The following AAMDC variants were observed in gnomAD, a reference collection of about 807,000 sequenced individuals.
The protein encoded by AAMDC is adipogenesis associated Mth938 domain containing, also known as mth938 domain-containing protein.
AAMDC carries 16 observed loss-of-function variants against 15.5 expected under a neutral mutation model. That is an observed-to-expected ratio of 1.03 (90% CI 0.70 to 1.57). AAMDC has a LOEUF of 1.57. Ranked by LOEUF, AAMDC falls within the 40% of genes most tolerant of loss-of-function variation. AAMDC has a pLI of 0.00. For synonymous variants in AAMDC, 51 were observed against 51.6 expected, an observed-to-expected ratio of 0.99 and a Z score of 0.05; for missense variants, 141 against 144.9, an observed-to-expected ratio of 0.97 and a Z score of 0.14.
intron 1 of AAMDC, among the ~76,000 whole-genome samples, chr11:77,824,071 C>A (rs1949063043): frequency 6.6e-6 from 1 of 152,084 alleles, no homozygotes; most frequent in Non-Finnish European, 1.5e-5. Context: ...TTATATCCAC[C>A]CAAAGATAAG....
chr11:77,824,807 TA>T (rs1375773112), intron 1 of AAMDC, among the ~76,000 whole-genome samples: 4 of 152,230 alleles, frequency 2.6e-5, no homozygotes, highest in Non-Finnish European at 4.4e-5. Context: ...TTGAACTCTA[TA>T]AACACTGCAT....
intron 1 of AAMDC, among the ~76,000 whole-genome samples, chr11:77,840,483 C>T (rs989040623): frequency 2.6e-5 from 4 of 152,066 alleles, no homozygotes; most frequent in East Asian, 1.9e-4. Context: ...GAGCCAAGAT[C>T]GCACCACTGC....
At chr11:77,855,177 T>A (rs1450085813) in intron 2 of AAMDC, among the ~76,000 whole-genome samples, 2 of 152,220 alleles carry the variant, frequency 1.3e-5, no homozygotes, top group African/African-American at 4.8e-5. Context: ...CCTCCAGGCC[T>A]GTGATGGGAG....
downstream of AAMDC, chr11:77,876,839 A>T (rs958367534): frequency 1.7e-6 from 1 of 601,620 alleles, no homozygotes; most frequent in Non-Finnish European, 3.0e-6. Context: ...GATTTTTATA[A>T]AAGGGGTACT....
chr11:77,838,543 T>C (rs1949790787), intron 1 of AAMDC, among the ~76,000 whole-genome samples: 1 of 152,092 alleles, frequency 6.6e-6, no homozygotes, highest in Non-Finnish European at 1.5e-5. Context: ...AGCCACTTTT[T>C]TGAAACAAGT....
downstream of AAMDC, among the ~76,000 whole-genome samples, chr11:77,902,633 G>T (rs1183833640): frequency 6.6e-6 from 1 of 152,140 alleles, no homozygotes; most frequent in Non-Finnish European, 1.5e-5. Context: ...TATTATGAGG[G>T]TTAATTAAGC....
intron 1 of AAMDC, among the ~76,000 whole-genome samples, chr11:77,827,013 G>A (rs1159452613): frequency 6.6e-6 from 1 of 152,100 alleles, no homozygotes; most frequent in African/African-American, 2.4e-5. Context: ...GCTGAGGCAG[G>A]AGAATCACTT....
intron 1 of AAMDC, among the ~76,000 whole-genome samples, chr11:77,837,591 A>G (rs1590933526): frequency 1.3e-5 from 2 of 150,982 alleles, no homozygotes; most frequent in Admixed American, 1.3e-4. Flanking sequence ...GTGCATCACT[A>G]CGCCCGGCTA....
intron 1 of AAMDC, among the ~76,000 whole-genome samples, chr11:77,827,342 G>A (rs1949226362): frequency 6.6e-6 from 1 of 152,094 alleles, no homozygotes; most frequent in African/African-American, 2.4e-5. Context: ...ATATCACAAG[G>A]AAAGCCCAAT....
At chr11:77,858,565 C>A (rs1252280719) in intron 2 of AAMDC, among the ~76,000 whole-genome samples, 3 of 152,068 alleles carry the variant, frequency 2.0e-5, no homozygotes, top group Non-Finnish European at 4.4e-5. Flanking sequence ...TGGTCACCTT[C>A]CCAGCTAGCC....
intron 2 of AAMDC, among the ~76,000 whole-genome samples, chr11:77,854,474 A>T (rs1291068436): frequency 6.6e-6 from 1 of 152,244 alleles, no homozygotes; most frequent in Non-Finnish European, 1.5e-5. Flanking sequence ...GTGAGAAATT[A>T]TCCAAAACAA....
chr11:77,860,912 A>ACTGT (rs1950849092), intron 2 of AAMDC, among the ~76,000 whole-genome samples: 1 of 152,102 alleles, frequency 6.6e-6, no homozygotes, highest in Non-Finnish European at 1.5e-5. Context: ...ACTAACGTTC[A>ACTGT]CTGTCTGTTG....
At chr11:77,884,080 T>A in intron 5 of AAMDC, 1 of 918,866 alleles carries the variant, frequency 1.1e-6, no homozygotes, top group Non-Finnish European at 1.6e-6. Flanking sequence ...AGATTGAGCC[T>A]TGGGGGTAGG....
chr11:77,876,073 C>T (rs1435096096), downstream of AAMDC, among the ~76,000 whole-genome samples: 1 of 151,962 alleles, frequency 6.6e-6, no homozygotes, highest in Non-Finnish European at 1.5e-5. Context: ...GATGGTGGTT[C>T]CATCAGTATA....
chr11:77,905,729 A>C (rs76867152), downstream of AAMDC, among the ~76,000 whole-genome samples: 8 of 152,238 alleles, frequency 5.3e-5, no homozygotes, highest in African/African-American at 1.4e-4. Flanking sequence ...AATCTCGTCA[A>C]AAGACTTGAG....
chr11:77,835,223 C>T (rs958107452), intron 1 of AAMDC, among the ~76,000 whole-genome samples: 1 of 152,112 alleles, frequency 6.6e-6, no homozygotes, highest in African/African-American at 2.4e-5. Context: ...TAAAGGACAC[C>T]AGACATATAC....
intron 2 of AAMDC, among the ~76,000 whole-genome samples, chr11:77,853,662 G>T (rs1392528876): frequency 6.6e-6 from 1 of 152,126 alleles, no homozygotes; most frequent in African/African-American, 2.4e-5. Flanking sequence ...TTACAGCCAT[G>T]CCAGGCAGTG....
intron 1 of AAMDC, among the ~76,000 whole-genome samples, chr11:77,842,099 A>C (rs1306668601): frequency 6.6e-6 from 1 of 152,174 alleles, no homozygotes; most frequent in Non-Finnish European, 1.5e-5. Context: ...ATATGCCTTT[A>C]ATTTTATTTC....
At chr11:77,880,517 T>C (rs1951751690) in intron 5 of AAMDC, among the ~76,000 whole-genome samples, 1 of 152,208 alleles carries the variant, frequency 6.6e-6, no homozygotes, top group Non-Finnish European at 1.5e-5. Flanking sequence ...ACTAACACTG[T>C]TCTCTGATAC....
Sources: allele counts gnomAD v4.1 joint callset (sites outside exome capture counted in the v4.1 genomes callset), GRCh38; gene constraint gnomAD v4.1.1; transcripts MANE v1.5; gene names NCBI Gene and HGNC (gene_info 2026-07-23, HGNC 2026-07-21).